AATK: variants seen among roughly 807,000 people sequenced by gnomAD.
AATK encodes the protein serine/threonine-protein kinase LMTK1.
Under a neutral mutation model 114.3 loss-of-function variants are expected in AATK, and 91 were observed. The observed-to-expected ratio is 0.80, with a 90% CI of 0.67 to 0.95. The LOEUF is 0.95. AATK is among the 40% of genes least tolerant of loss of function. AATK has a pLI of 0.00. For missense variants in AATK, 2,176 were observed against 1,965.2 expected (o/e 1.11, Z -2.03); for synonymous variants, 1,075 against 916.5 (o/e 1.17, Z -3.12).
At chr17:81,140,149 A>T (rs2061100683) in intron 1 of AATK, among the ~76,000 whole-genome samples, 1 of 152,132 alleles carries the variant, frequency 6.6e-6, no homozygotes, top group Non-Finnish European at 1.5e-5. Flanking sequence ...GGTAGCTGGG[A>T]TGATGGGTGT....
At chr17:81,119,788 C>G in intron 12 of AATK, 148 bp downstream of exon 12, 1 of 1,296,010 alleles carries the variant, frequency 7.7e-7, no homozygotes, top group Non-Finnish European at 1.0e-6. Context: ...ACCCGCCTCC[C>G]ATGACGACAC....
At chr17:81,144,035 G>A (rs1179923698) in intron 1 of AATK, among the ~76,000 whole-genome samples, 2 of 152,058 alleles carry the variant, frequency 1.3e-5, no homozygotes, top group South Asian at 2.1e-4. Context: ...GGCCAGGGTG[G>A]CCAGCACATA....
At chr17:81,131,331 A>G (rs1598930265) in intron 2 of AATK, 126 bp from the exon 3 acceptor site, 1 of 1,287,772 alleles carries the variant, frequency 7.8e-7, no homozygotes, top group African/African-American at 1.5e-5. Flanking sequence ...TGCTCGGCCC[A>G]GAGTTGGAGC....
At chr17:81,161,609 G>A (rs1165372709) in intron 1 of AATK, among the ~76,000 whole-genome samples, 1 of 152,196 alleles carries the variant, frequency 6.6e-6, no homozygotes, top group Non-Finnish European at 1.5e-5. Flanking sequence ...CAGCCCTGGA[G>A]CTGCCGTGAC....
At chr17:81,118,532 C>G (rs562476322) in intron 13 of AATK, 90 bp from the exon 14 acceptor site, 3 of 1,381,546 alleles carry the variant, frequency 2.2e-6, no homozygotes, top group Non-Finnish European at 3.0e-6. Context: ...ATCCCTGGCC[C>G]ACATACAGGC....
At chr17:81,158,029 C>T (rs2061387550) in intron 1 of AATK, among the ~76,000 whole-genome samples, 2 of 152,218 alleles carry the variant, frequency 1.3e-5, no homozygotes, top group South Asian at 4.1e-4. Flanking sequence ...CAGCAGGGGG[C>T]TGCTGGGCTC....
intron 1 of AATK, among the ~76,000 whole-genome samples, chr17:81,158,321 C>T (rs919421921): frequency 1.5e-4 from 23 of 152,354 alleles, no homozygotes; most frequent in African/African-American, 5.3e-4. Context: ...CTTTCAGGGA[C>T]ACCTGCCTCT....
At chr17:81,141,953 TTTCC>T (rs200510786) in intron 1 of AATK, among the ~76,000 whole-genome samples, 25 of 126,134 alleles carry the variant, frequency 2.0e-4, no homozygotes, top group South Asian at 2.6e-4. Context: ...CCTTCCTTCC[TTTCC>T]TTCCTTCCTT....
At chr17:81,128,037 C>A in intron 4 of AATK, 127 bp from the exon 5 acceptor site, 1 of 1,160,282 alleles carries the variant, frequency 8.6e-7, no homozygotes, top group Non-Finnish European at 1.2e-6. Context: ...TGTGCCCCGT[C>A]CACTCATTGC....
At chr17:81,127,386 C>T (rs1053426833) in intron 6 of AATK, among the ~76,000 whole-genome samples, 197 bp downstream of exon 6, 1 of 152,080 alleles carries the variant, frequency 6.6e-6, no homozygotes, top group Non-Finnish European at 1.5e-5. Flanking sequence ...GTTCTGTGCC[C>T]AGCCCCCACA....
chr17:81,160,771 A>C (rs2061421607), intron 1 of AATK, among the ~76,000 whole-genome samples: 1 of 152,226 alleles, frequency 6.6e-6, no homozygotes, highest in Non-Finnish European at 1.5e-5. Context: ...CAGAGGGGTC[A>C]GGTGGCCCTC....
At chr17:81,130,787 G>C (rs954193663) in intron 3 of AATK, among the ~76,000 whole-genome samples, 1 of 152,166 alleles carries the variant, frequency 6.6e-6, no homozygotes, top group Non-Finnish European at 1.5e-5. Context: ...GGGCAGGGGA[G>C]GCTGGAGGCC....
At chr17:81,129,611 TAG>T (rs144430544) in intron 3 of AATK, among the ~76,000 whole-genome samples, 1,888 of 152,262 alleles carry the variant, frequency 0.012, 43 homozygotes, top group African/African-American at 0.043. Context: ...GCTGCAAAAG[TAG>T]AGAGACAGGT....
At chr17:81,124,685 C>G in intron 9 of AATK, 42 bp downstream of exon 9, 2 of 1,599,868 alleles carry the variant, frequency 1.3e-6, no homozygotes, top group Non-Finnish European at 1.7e-6. Flanking sequence ...GCAGGTGGCA[C>G]TCGGCCTCGG....
intron 1 of AATK, among the ~76,000 whole-genome samples, chr17:81,163,064 G>A (rs2659044): frequency 0.31 from 46,595 of 152,128 alleles, 8,024 homozygotes; most frequent in South Asian, 0.42. Context: ...AGTCACAGAA[G>A]GGCCCCTCAG....
intron 1 of AATK, among the ~76,000 whole-genome samples, chr17:81,140,843 T>G (rs1259025743): frequency 8.1e-4 from 39 of 47,928 alleles, no homozygotes; most frequent in East Asian, 4.7e-3. Flanking sequence ...CGTGGGGCCG[T>G]GAGCCGTGGG....
At chr17:81,134,787 CCT>C (rs1471206153) in intron 1 of AATK, among the ~76,000 whole-genome samples, 1 of 152,244 alleles carries the variant, frequency 6.6e-6, no homozygotes, top group Non-Finnish European at 1.5e-5. Flanking sequence ...TTCAGATACC[CCT>C]GAGAGGTCAG....
chr17:81,138,988 C>T (rs551534957), intron 1 of AATK, among the ~76,000 whole-genome samples: 1 of 151,358 alleles, frequency 6.6e-6, no homozygotes, highest in African/African-American at 2.4e-5. Flanking sequence ...CCCACACGTG[C>T]GTACACACGC....
intron 6 of AATK, among the ~76,000 whole-genome samples, chr17:81,127,188 G>T (rs2060849390): frequency 6.6e-6 from 1 of 152,054 alleles, no homozygotes; most frequent in African/African-American, 2.4e-5. Flanking sequence ...ACTCCAGGCA[G>T]CCTGGGGAAG....
Sources: gnomAD v4.1 joint callset for allele counts (sites outside exome capture counted in the v4.1 genomes callset) on GRCh38, gnomAD v4.1.1 for gene constraint, MANE v1.5 for transcripts, NCBI Gene and HGNC (gene_info 2026-07-23, HGNC 2026-07-21) for gene names.